Variants in ARMC2 observed in about 807,000 individuals in gnomAD.
The protein encoded by ARMC2 is armadillo repeat containing 2, also known as armadillo repeat-containing protein 2.
A neutral mutation model predicts 90.3 loss-of-function variants in ARMC2; 67 were observed. The ratio of observed to expected loss-of-function variants is 0.74; its 90% confidence interval spans 0.61 to 0.91. ARMC2 has a LOEUF of 0.91. Ranked by LOEUF, ARMC2 falls within the 40% of genes least tolerant of loss-of-function variation. The pLI, the probability that ARMC2 is intolerant of heterozygous loss-of-function variation, is 0.00. For missense variants in ARMC2, 920 were observed against 1,030.9 expected, an observed-to-expected ratio of 0.89 and a Z score of 1.47; for synonymous variants, 393 against 393.0, an observed-to-expected ratio of 1.00 and a Z score of 0.00.
At position 108,967,925 on chromosome 6, in the gene ARMC2, C is replaced by T. The variant is rs145599984; in HGVS notation, c.2446+2785C>T. ...CCCAATCTGCCTAGCCAGGTGCAGG[C>T]CCTTCCCACGTAGCTTCTCAAGCCC... On this transcript the variant is annotated intron_variant, in intron 17 of 17. Coordinates refer to ENST00000392644, the MANE Select transcript of ARMC2 (RefSeq NM_032131.6). Among the ~76,000 whole-genome samples the T allele has an allele frequency of 2.9e-3, 442 of 152,274 alleles. 2 individuals are homozygous for T. The highest frequency in any genetic ancestry group is 0.01 in the African/African-American group (427 of 41,568).
At chr6:108,964,420 T>A (rs1778216319) in intron 16 of ARMC2, 108 bp downstream of exon 16, 1 of 1,310,006 alleles carries the variant, frequency 7.6e-7, no homozygotes, top group African/African-American at 1.5e-5. Flanking sequence ...TATTTCAACA[T>A]TGGGAAGCCC....
At chr6:108,969,564 A>G (rs563800349) in intron 17 of ARMC2, among the ~76,000 whole-genome samples, 1 of 152,378 alleles carries the variant, frequency 6.6e-6, no homozygotes, top group Non-Finnish European at 1.5e-5. Flanking sequence ...GGTTGTGACC[A>G]GCATCTTTAA....
chr6:109,029,427 G>GTGTAAAA, the ARMC2 span, among the ~76,000 whole-genome samples: 1 of 152,192 alleles, frequency 6.6e-6, no homozygotes, highest in African/African-American at 2.4e-5. Flanking sequence ...TTTTTCTTGA[G>GTGTAAAA]TGTAAATTAT....
rs762248891 is a variant in ARMC2, at chr6:108,936,947, C to T, written c.1544C>T (p.Ser515Phe). 6.2e-7 allele frequency: 1 copy of T among 1,604,650 alleles called. No individual in the cohort carries two copies. Among genetic ancestry groups the T allele is most frequent in the East Asian group, 2.2e-5 (1 of 44,780 alleles). ...TGCTGCACAGCCTTGGCCAGCTATT[C>T]CAGATGTTATGCCTTATTTCTGAAT... is the stretch of plus-strand genomic sequence containing the variant. ...RDCCTALASYSRCYALFLNLI... is the reference protein window; with the variant it reads ...RDCCTALASYFRCYALFLNLI... The change falls in exon 12 of 18, where the codon TCC (serine) becomes TTC (phenylalanine). Residue 515 changes from serine (S) to phenylalanine (F), a missense_variant. Coordinates refer to ENST00000392644, the MANE Select transcript of ARMC2 (RefSeq NM_032131.6).
chr6:109,003,076 A>G, the ARMC2 span, among the ~76,000 whole-genome samples: 2 of 152,180 alleles, frequency 1.3e-5, 1 homozygote, highest in Middle Eastern at 6.8e-3. Flanking sequence ...TATGGTTAAC[A>G]AGAACTGAAA....
intron 12 of ARMC2, among the ~76,000 whole-genome samples, chr6:108,947,139 T>A (rs2128500144): frequency 6.6e-6 from 1 of 152,198 alleles, no homozygotes; most frequent in African/African-American, 2.4e-5. Context: ...TTAGCCCAGG[T>A]CGGCATGGGC....
chr6:108,933,611 AC>A lies in ARMC2; in HGVS notation c.1497-3288del, dbSNP rs1473737343. Among the ~76,000 whole-genome samples, 3 of 152,188 alleles carry A rather than the reference AC, an allele frequency of 2.0e-5. No individual in the cohort carries two copies. In the East Asian group the frequency reaches 5.8e-4, roughly 29 times the overall value. ...GGTTTTCATAAGTACCCTTCTGCAA[AC>A]AGAGATAGTTTGACTTCCTCCCTTT... On this transcript the variant is annotated intron_variant, in intron 11 of 17. Transcript: ENST00000392644.
intron 8 of ARMC2, among the ~76,000 whole-genome samples, chr6:108,909,572 G>A (rs1232814779): frequency 6.6e-6 from 1 of 152,032 alleles, no homozygotes; most frequent in African/African-American, 2.4e-5. Flanking sequence ...GTCTCACTCT[G>A]TCACCCAAGC....
intron 11 of ARMC2, among the ~76,000 whole-genome samples, chr6:108,929,742 C>T (rs1325976791): frequency 6.6e-6 from 1 of 152,166 alleles, no homozygotes; most frequent in African/African-American, 2.4e-5. Context: ...CTCAGCTTCC[C>T]AAAGTGCTGC....
chr6:109,029,826 C>T, the ARMC2 span, among the ~76,000 whole-genome samples: 6 of 152,224 alleles, frequency 3.9e-5, no homozygotes, highest in African/African-American at 7.2e-5. Flanking sequence ...GCCATCACAC[C>T]CAGCTGCTGT....
intron 1 of ARMC2, among the ~76,000 whole-genome samples, chr6:108,851,136 CAATG>C (rs1314770796): frequency 6.6e-6 from 1 of 152,192 alleles, no homozygotes; most frequent in Non-Finnish European, 1.5e-5. Context: ...GGTTCAGCCC[CAATG>C]GCCATTTTCA....
intron 4 of ARMC2, among the ~76,000 whole-genome samples, chr6:108,873,562 G>A (rs1028716483): frequency 6.6e-6 from 1 of 152,198 alleles, no homozygotes; most frequent in African/African-American, 2.4e-5. Flanking sequence ...AATGCTGAAT[G>A]GAAATGTGGG....
intron 8 of ARMC2, among the ~76,000 whole-genome samples, chr6:108,906,046 T>C (rs961631450): frequency 2.6e-5 from 4 of 152,212 alleles, no homozygotes; most frequent in Admixed American, 2.6e-4. Context: ...AAACTAAAGC[T>C]ATATGGGACT....
chr6:108,890,257 AT>A (rs141545144), intron 5 of ARMC2, among the ~76,000 whole-genome samples: 24,654 of 144,758 alleles, frequency 0.17, 2,368 homozygotes, highest in Middle Eastern at 0.21. Context: ...CTCAGAGTAG[AT>A]TTTAAACTTC....
chr6:108,971,292 C>T (rs537581437), intron 17 of ARMC2, among the ~76,000 whole-genome samples: 27 of 152,278 alleles, frequency 1.8e-4, no homozygotes, highest in African/African-American at 5.8e-4. Flanking sequence ...GAGCTCTGAA[C>T]GCACCACATA....
At chr6:109,015,044 A>G in the ARMC2 span, among the ~76,000 whole-genome samples, 13 of 152,304 alleles carry the variant, frequency 8.5e-5, no homozygotes, top group South Asian at 2.5e-3. Flanking sequence ...TTATGTATCG[A>G]ATGAACTCTG....
the ARMC2 span, among the ~76,000 whole-genome samples, chr6:108,979,550 T>C: frequency 1.3e-5 from 2 of 152,164 alleles, no homozygotes; most frequent in African/African-American, 2.4e-5. Context: ...CCTTGCTAGA[T>C]TGGGGAAGTT....
chr6:108,956,256 C>G lies in ARMC2; in HGVS notation c.1915+2905C>G, dbSNP rs181210168. ...AGTAGAGTTATGCATGATTCATTTT[C>G]CCACAGTTGTTAATATTCACATATA... On this transcript the variant is annotated intron_variant, in intron 13 of 17. Transcript: ENST00000392644. Among the ~76,000 whole-genome samples, 18 of 152,304 alleles carry G rather than the reference C, an allele frequency of 1.2e-4. No homozygotes were observed. The East Asian group carries it at 3.1e-3, about 26-fold the overall frequency.
At chr6:108,889,462 A>T (rs1307033726) in intron 5 of ARMC2, among the ~76,000 whole-genome samples, 7 of 150,714 alleles carry the variant, frequency 4.6e-5, no homozygotes, top group African/African-American at 1.5e-4. Flanking sequence ...TATTTTTGAG[A>T]CAGGGTCTCA....
Sources: allele counts gnomAD v4.1 joint callset (sites outside exome capture counted in the v4.1 genomes callset), GRCh38; gene constraint gnomAD v4.1.1; transcripts MANE v1.5; gene names NCBI Gene and HGNC (gene_info 2026-07-23, HGNC 2026-07-21).